P4HA1: variants seen among roughly 807,000 people sequenced by gnomAD.
P4HA1 encodes the protein prolyl 4-hydroxylase subunit alpha-1.
Under a neutral mutation model 72.8 loss-of-function variants are expected in P4HA1, and 24 were observed. The observed-to-expected ratio is 0.33, with a 90% CI of 0.24 to 0.46. The LOEUF is 0.46. Among genes scored for constraint, P4HA1 ranks in the 20% least tolerant of loss-of-function variants. P4HA1 has a pLI of 1.00. For missense variants in P4HA1, 446 were observed against 640.6 expected, an observed-to-expected ratio of 0.70 and a Z score of 3.28; for synonymous variants, 201 against 218.8, an observed-to-expected ratio of 0.92 and a Z score of 0.72.
At chr10:73,066,583 T>A (rs1041821192) in intron 5 of P4HA1, among the ~76,000 whole-genome samples, 1 of 152,082 alleles carries the variant, frequency 6.6e-6, no homozygotes, top group Admixed American at 6.6e-5. Context: ...AGTGGCGTGA[T>A]CACAGCTCAC....
In P4HA1 at chr10:73,070,142, C is replaced by CTTTTT. The variant is rs71021546; in HGVS notation, c.326-1164_326-1160dup. 7.2e-3 allele frequency among the ~76,000 whole-genome samples: 462 copies of CTTTTT among 64,514 alleles called. 50 individuals carry two copies. Among genetic ancestry groups the CTTTTT allele is most frequent in the African/African-American group, 0.021 (334 of 15,812 alleles). 42.3% of individuals were successfully genotyped at this position (64,514 alleles called of 152,430 possible). A position where few individuals can be genotyped will look rare whatever the true frequency, so the allele number is the denominator to read the frequency against. The stretch of plus-strand genomic sequence containing the variant: ...TATTTTGAACAGCAAGAGACCAGGC[C>CTTTTT]TTTTTTTTTTTTTTTTTTTTTTTTT... On this transcript the variant is annotated intron_variant, in intron 4 of 14. Transcript: ENST00000394890.
At chr10:73,008,498 T>C (rs1839841071) in intron 14 of P4HA1, among the ~76,000 whole-genome samples, 1 of 152,206 alleles carries the variant, frequency 6.6e-6, no homozygotes, top group Non-Finnish European at 1.5e-5. Flanking sequence ...TACACACTTG[T>C]GTGCGTGTAT....
chr10:73,028,799 C>T (rs1488771371), intron 10 of P4HA1, among the ~76,000 whole-genome samples: 1 of 152,000 alleles, frequency 6.6e-6, no homozygotes, highest in Non-Finnish European at 1.5e-5. Context: ...AATCCCAACA[C>T]TTTGGGAGGC....
intron 1 of P4HA1, among the ~76,000 whole-genome samples, chr10:73,093,741 G>T (rs1842085145): frequency 6.8e-6 from 1 of 147,116 alleles, no homozygotes; most frequent in Admixed American, 6.9e-5. Context: ...TACTCGGGAG[G>T]CTTAGGCAGG....
At chr10:73,091,012 G>C (rs1316567381) in intron 1 of P4HA1, among the ~76,000 whole-genome samples, 2 of 136,076 alleles carry the variant, frequency 1.5e-5, no homozygotes, top group Non-Finnish European at 3.0e-5. Flanking sequence ...CGTGAACCGA[G>C]ATTGCGCCAC....
At chr10:73,078,892 G>A (rs954831868) in intron 1 of P4HA1, among the ~76,000 whole-genome samples, 58 of 152,154 alleles carry the variant, frequency 3.8e-4, no homozygotes, top group Middle Eastern at 3.4e-3. Context: ...GATTACAGGC[G>A]TGAGCCACCG....
intron 7 of P4HA1, among the ~76,000 whole-genome samples, chr10:73,050,730 G>A (rs537135569): frequency 2.1e-4 from 32 of 151,736 alleles, no homozygotes; most frequent in Admixed American, 5.9e-4. Flanking sequence ...TTTAGAGACA[G>A]GGTCTTATTC....
intron 9 of P4HA1, among the ~76,000 whole-genome samples, chr10:73,032,901 T>TAGATGATTCTA (rs11275675): frequency 6.6e-6 from 1 of 152,054 alleles, no homozygotes; most frequent in African/African-American, 2.4e-5. Context: ...GGTGGATTCT[T>TAGATGATTCTA]AGATTTATCC....
chr10:73,081,569 G>A (rs941910170), intron 1 of P4HA1, among the ~76,000 whole-genome samples: 2 of 152,138 alleles, frequency 1.3e-5, no homozygotes, highest in African/African-American at 4.8e-5. Context: ...CTTTCCTACA[G>A]TTCTTATTCC....
chr10:73,088,172 C>T lies in P4HA1; in HGVS notation c.-33+8594G>A, dbSNP rs960587495. On this transcript the variant is annotated intron_variant, in intron 1 of 14. Transcript: ENST00000394890. ...CCTCCCAAAATGCTGGGATTACAAACGTGTGCGACCAGACCCGGCCTACGA... is the reference window on the plus strand; with the variant it reads ...CCTCCCAAAATGCTGGGATTACAAATGTGTGCGACCAGACCCGGCCTACGA... Among the ~76,000 whole-genome samples, 15 of 152,126 alleles carry T rather than the reference C, an allele frequency of 9.9e-5. No homozygotes were observed. In the East Asian group the frequency reaches 2.5e-3, roughly 25 times the overall value.
chr10:73,010,120 C>T (rs1839883593), intron 13 of P4HA1, among the ~76,000 whole-genome samples: 2 of 152,076 alleles, frequency 1.3e-5, no homozygotes, highest in African/African-American at 4.8e-5. Context: ...AGGCGTGCAA[C>T]ACCAGGCCTG....
chr10:73,083,551 G>A (rs1589628670), intron 1 of P4HA1, among the ~76,000 whole-genome samples: 2 of 152,182 alleles, frequency 1.3e-5, no homozygotes, highest in African/African-American at 2.4e-5. Context: ...CAGAAAGAAC[G>A]TTAAGATGAG....
intron 1 of P4HA1, among the ~76,000 whole-genome samples, chr10:73,094,826 C>T (rs902994540): frequency 1.3e-5 from 2 of 152,146 alleles, no homozygotes; most frequent in African/African-American, 4.8e-5. Context: ...TTTCAATAGT[C>T]TTTTGCACTA....
At chr10:73,089,286 T>C (rs2133165605) in intron 1 of P4HA1, among the ~76,000 whole-genome samples, 1 of 152,340 alleles carries the variant, frequency 6.6e-6, no homozygotes, top group East Asian at 1.9e-4. Flanking sequence ...CTGTTGTATA[T>C]TGACCTTCTA....
At chr10:73,013,894 T>G (rs573162449) in intron 12 of P4HA1, among the ~76,000 whole-genome samples, 1 of 152,146 alleles carries the variant, frequency 6.6e-6, no homozygotes, top group Non-Finnish European at 1.5e-5. Flanking sequence ...ATAATGTGTA[T>G]GTGTATGTAT....
intron 5 of P4HA1, 21 bp downstream of exon 5, chr10:73,068,825 A>G: frequency 1.3e-6 from 2 of 1,598,810 alleles, no homozygotes; most frequent in South Asian, 2.2e-5. Context: ...GGTATTTTAT[A>G]GAATGGAAGA....
At chr10:73,038,142 T>C (rs1840641157) in intron 9 of P4HA1, among the ~76,000 whole-genome samples, 1 of 152,036 alleles carries the variant, frequency 6.6e-6, no homozygotes, top group Admixed American at 6.6e-5. Context: ...GTAGCCCCAG[T>C]TACTCAGGAG....
intron 1 of P4HA1, among the ~76,000 whole-genome samples, chr10:73,095,728 A>G (rs1842150318): frequency 6.6e-6 from 1 of 152,228 alleles, no homozygotes; most frequent in Non-Finnish European, 1.5e-5. Flanking sequence ...TTCCTAAAAG[A>G]GGATCTAGCT....
At position 73,069,940 on chromosome 10, in the gene P4HA1, G is replaced by A. The variant is rs565894172; in HGVS notation, c.326-957C>T. On this transcript the variant is annotated intron_variant, in intron 4 of 14. Transcript: ENST00000394890. ...ATTATCTTGCCTCAGCCTCCCAGTA[G>A]CTGGGATTACAGGCATGTGCCACCA... is the stretch of plus-strand genomic sequence containing the variant. Among the ~76,000 whole-genome samples, 52 of 151,586 alleles carry A rather than the reference G, an allele frequency of 3.4e-4. 1 individual carries two copies. The South Asian group carries it at 0.011, about 31-fold the overall frequency.
Sources: allele counts gnomAD v4.1 joint callset (sites outside exome capture counted in the v4.1 genomes callset), GRCh38; gene constraint gnomAD v4.1.1; transcripts MANE v1.5; gene names NCBI Gene and HGNC (gene_info 2026-07-23, HGNC 2026-07-21).